CSMD1: variants seen among roughly 807,000 people sequenced by gnomAD.
The protein encoded by CSMD1 is CUB and sushi domain-containing protein 1.
In CSMD1, 213 loss-of-function variants were observed where a neutral mutation model predicts 417.5. The ratio of observed to expected loss-of-function variants is 0.51; its 90% CI spans 0.46 to 0.57. CSMD1 has a LOEUF of 0.57. CSMD1 is among the 20% of genes least tolerant of loss of function. The pLI is 0.00. For missense variants in CSMD1, 6,923 were observed against 4,529.7 expected (o/e 1.53, Z -15.17); for synonymous variants, 2,862 against 1,736.8 (o/e 1.65, Z -16.11).
At chr8:3,671,080 CATATAAGGGATATATATGTAT>C (rs1799003420) in intron 7 of CSMD1, among the ~76,000 whole-genome samples, 1 of 55,900 alleles carries the variant, frequency 1.8e-5, no homozygotes, top group African/African-American at 7.5e-5. Context: ...GGGATATATA[CATATAAGGGATATATATGTAT>C]GGGATATATA....
At chr8:3,365,933 A>T (rs1809535614) in intron 20 of CSMD1, among the ~76,000 whole-genome samples, 1 of 152,222 alleles carries the variant, frequency 6.6e-6, no homozygotes, top group Non-Finnish European at 1.5e-5. Flanking sequence ...AAAGTGGGGC[A>T]AGCAAACTTT....
At chr8:4,401,072 A>G (rs533015290) in intron 3 of CSMD1, among the ~76,000 whole-genome samples, 18 of 152,296 alleles carry the variant, frequency 1.2e-4, no homozygotes, top group African/African-American at 4.3e-4. Context: ...TGATTTTAAG[A>G]AAATGAGTTT....
chr8:3,423,679 A>C (rs1050999578), intron 12 of CSMD1, among the ~76,000 whole-genome samples: 1 of 152,210 alleles, frequency 6.6e-6, no homozygotes, highest in Non-Finnish European at 1.5e-5. Flanking sequence ...GCTATTATGA[A>C]GAAAGTCTTA....
At chr8:3,859,461 C>T (rs1283478006) in intron 5 of CSMD1, among the ~76,000 whole-genome samples, 1 of 152,142 alleles carries the variant, frequency 6.6e-6, no homozygotes, top group African/African-American at 2.4e-5. Flanking sequence ...GGACTTTGTG[C>T]TTGGTTTCTG....
At chr8:4,587,420 C>CATGTAT (rs1563312227) in intron 2 of CSMD1, among the ~76,000 whole-genome samples, 1 of 108,222 alleles carries the variant, frequency 9.2e-6, no homozygotes, top group Non-Finnish European at 1.9e-5. Context: ...TGTATATGTA[C>CATGTAT]ATGTATATGT....
chr8:4,380,888 G>A (rs887566745), intron 3 of CSMD1, among the ~76,000 whole-genome samples: 2 of 151,836 alleles, frequency 1.3e-5, no homozygotes, highest in East Asian at 1.9e-4. Context: ...TATATTTTAG[G>A]TAGTAATAAT....
intron 1 of CSMD1, among the ~76,000 whole-genome samples, chr8:4,676,337 T>G (rs1805679180): frequency 6.6e-6 from 1 of 152,108 alleles, no homozygotes; most frequent in African/African-American, 2.4e-5. Context: ...AGCTCCTGTA[T>G]CCATCTGCCC....
chr8:3,138,709 G>A (rs1390688887), intron 41 of CSMD1, among the ~76,000 whole-genome samples: 1 of 152,212 alleles, frequency 6.6e-6, no homozygotes, highest in Non-Finnish European at 1.5e-5. Flanking sequence ...CTCTGAGGTA[G>A]AAAGGACTGT....
chr8:3,700,458 G>C (rs181276254), intron 7 of CSMD1: 2 of 152,238 alleles, frequency 1.3e-5, no homozygotes, highest in Admixed American at 1.3e-4. Flanking sequence ...AACAGAGCAA[G>C]TAACAGAAGA....
At chr8:4,282,482 T>G (rs1796842566) in intron 3 of CSMD1, among the ~76,000 whole-genome samples, 1 of 152,174 alleles carries the variant, frequency 6.6e-6, no homozygotes, top group Admixed American at 6.6e-5. Flanking sequence ...CTTATTTAAT[T>G]TAGTATGACA....
At position 4,276,181 on chromosome 8, in the gene CSMD1, T is replaced by C. The variant is rs112540919; in HGVS notation, c.415+143772A>G. On this transcript the variant is annotated intron_variant, in intron 3 of 69. Coordinates refer to ENST00000635120, the MANE Select transcript of CSMD1 (RefSeq NM_033225.6). ...AAAGACACATGCACACATATGCTTA[T>C]TGCAGCACTGTTCACAATAGCAAAG... Among the ~76,000 whole-genome samples the C allele has an allele frequency of 4.7e-3, 711 of 152,316 alleles. 4 individuals carry two copies. Among genetic ancestry groups the C allele is most frequent in the African/African-American group, 0.016 (648 of 41,568 alleles).
intron 3 of CSMD1, among the ~76,000 whole-genome samples, chr8:4,240,910 A>C (rs1191017445): frequency 6.6e-6 from 1 of 152,198 alleles, no homozygotes; most frequent in Non-Finnish European, 1.5e-5. Context: ...TAAAGAAAAT[A>C]GTTTAAAATT....
At chr8:3,754,083 AAC>A (rs1179661761) in intron 5 of CSMD1, 41 bp from the exon 6 acceptor site, 1 of 1,366,696 alleles carries the variant, frequency 7.3e-7, no homozygotes, top group Non-Finnish European at 1.0e-6. Context: ...CTTGTAAACC[AAC>A]AGAGCAAATG....
intron 1 of CSMD1, among the ~76,000 whole-genome samples, chr8:4,803,946 G>T (rs527504874): frequency 1.3e-5 from 2 of 152,174 alleles, no homozygotes; most frequent in Non-Finnish European, 2.9e-5. Context: ...GGGCATTCAT[G>T]CAAGACAAGT....
chr8:3,450,163 C>G (rs1332186408), intron 12 of CSMD1, among the ~76,000 whole-genome samples: 1 of 152,146 alleles, frequency 6.6e-6, no homozygotes, highest in Non-Finnish European at 1.5e-5. Context: ...GACTGTGGGT[C>G]TCTTACACTC....
At chr8:4,476,617 A>G (rs1800816989) in intron 2 of CSMD1, among the ~76,000 whole-genome samples, 1 of 152,210 alleles carries the variant, frequency 6.6e-6, no homozygotes. Context: ...TGAGGGTTTG[A>G]GACTGCCTTT....
chr8:4,461,660 C>T (rs1281877029), intron 2 of CSMD1, among the ~76,000 whole-genome samples: 2 of 151,872 alleles, frequency 1.3e-5, no homozygotes, highest in African/African-American at 2.4e-5. Flanking sequence ...AAGCAATCCT[C>T]CCACCTCAGC....
At chr8:3,906,633 T>A (rs1240574282) in intron 5 of CSMD1, among the ~76,000 whole-genome samples, 1 of 151,892 alleles carries the variant, frequency 6.6e-6, no homozygotes, top group Non-Finnish European at 1.5e-5. Context: ...AAGCTTTTTT[T>A]TTTTTTCAGA....
At chr8:4,989,993 C>G (rs1351549767) in intron 1 of CSMD1, among the ~76,000 whole-genome samples, 1 of 152,288 alleles carries the variant, frequency 6.6e-6, no homozygotes, top group East Asian at 1.9e-4. Context: ...TGGCAGTCGT[C>G]TTACCAAGCA....
Sources: allele counts gnomAD v4.1 joint callset (sites outside exome capture counted in the v4.1 genomes callset), GRCh38; gene constraint gnomAD v4.1.1; transcripts MANE v1.5; gene names NCBI Gene and HGNC (gene_info 2026-07-23, HGNC 2026-07-21).